The following CACNA1D variants were observed in gnomAD, a reference collection of about 807,000 sequenced individuals.
CACNA1D encodes the protein voltage-dependent L-type calcium channel subunit alpha-1D.
Under a neutral mutation model 257.1 loss-of-function variants are expected in CACNA1D, and 55 were observed. The observed-to-expected ratio is 0.21, with a 90% CI of 0.17 to 0.27. The LOEUF (loss-of-function observed/expected upper bound fraction) is 0.27, where lower values mean the gene tolerates loss of function less well. CACNA1D is among the 10% of genes least tolerant of loss of function. CACNA1D has a pLI of 1.00. For missense variants in CACNA1D, 1,876 were observed against 2,784.0 expected (o/e 0.67, Z 7.34); for synonymous variants, 980 against 1,014.9 (o/e 0.97, Z 0.65).
chr3:53,724,478 G>A (rs1025319201), intron 14 of CACNA1D, among the ~76,000 whole-genome samples: 1 of 152,184 alleles, frequency 6.6e-6, no homozygotes, highest in Non-Finnish European at 1.5e-5. Flanking sequence ...GGTCCCTTCT[G>A]TCCTCCTCCT....
chr3:53,710,532 C>G (rs764320928), intron 9 of CACNA1D: 4 of 455,456 alleles, frequency 8.8e-6, no homozygotes, highest in African/African-American at 2.0e-5. Context: ...ATACCTTTTC[C>G]TTGCACATAG....
At chr3:53,721,135 T>C (rs937558634) in intron 11 of CACNA1D, among the ~76,000 whole-genome samples, 1 of 152,282 alleles carries the variant, frequency 6.6e-6, no homozygotes, top group South Asian at 2.1e-4. Flanking sequence ...TTAGTGTCCT[T>C]AGTAGAGTTT....
In CACNA1D at chr3:53,811,026, T is replaced by C; in HGVS notation, c.6193-87T>C. On this transcript the variant is annotated intron_variant, in intron 47 of 47. Transcript: ENST00000350061. This position sits in a 1 kb window ranked among gnomAD's most constrained non-coding sequence, Gnocchi z 4.2. ...CCCAAAGCACACGGTGCAGTTAAGTTAGCACTGGAGTTGATTTTTCTGTCG... is the reference window on the plus strand; with the variant it reads ...CCCAAAGCACACGGTGCAGTTAAGTCAGCACTGGAGTTGATTTTTCTGTCG... 1 of 988,850 alleles carries C rather than the reference T, an allele frequency of 1.0e-6. No homozygotes were observed. Among genetic ancestry groups the C allele is most frequent in the South Asian group, 1.3e-5 (1 of 77,814 alleles). 61.3% of individuals were successfully genotyped at this position (988,850 alleles called of 1,614,324 possible). A position where few individuals can be genotyped will look rare whatever the true frequency, so the allele number is the denominator to read the frequency against.
chr3:53,628,065 C>G (rs2093780178), intron 3 of CACNA1D, among the ~76,000 whole-genome samples: 1 of 152,076 alleles, frequency 6.6e-6, no homozygotes, highest in Non-Finnish European at 1.5e-5. Flanking sequence ...GTATTCAGTT[C>G]TTGTTTTCAG....
chr3:53,718,577 C>T (rs1218835364), intron 10 of CACNA1D, 189 bp downstream of exon 10: 2 of 666,576 alleles, frequency 3.0e-6, no homozygotes, highest in East Asian at 2.8e-5. Flanking sequence ...ACCTCCCCAC[C>T]CCCCGCCCCC....
chr3:53,654,393 G>A lies in CACNA1D; in HGVS notation c.623+3475G>A, dbSNP rs557971473. ...TGTCTATAGCTTCTATAGAAATAAA[G>A]TACATGACAATGGTAGCATGAAGAA... is the stretch of plus-strand genomic sequence containing the variant. On this transcript the variant is annotated intron_variant, in intron 4 of 47. Coordinates refer to ENST00000350061, the MANE Select transcript of CACNA1D (RefSeq NM_001128840.3). 1.3e-4 allele frequency among the ~76,000 whole-genome samples: 20 copies of A among 152,272 alleles called. 1 individual carries two copies. In the South Asian group the frequency reaches 4.1e-3, roughly 32 times the overall value.
chr3:53,514,991 G>T (rs560873043), intron 3 of CACNA1D, among the ~76,000 whole-genome samples: 48 of 152,296 alleles, frequency 3.2e-4, no homozygotes, highest in African/African-American at 1.1e-3. Flanking sequence ...GGCCATAGGA[G>T]GGCCTAGACC....
intron 8 of CACNA1D, among the ~76,000 whole-genome samples, chr3:53,690,351 T>A (rs2094508059): frequency 6.6e-6 from 1 of 152,212 alleles, no homozygotes; most frequent in African/African-American, 2.4e-5. Context: ...CAATGCTGAG[T>A]GGAACAATGG....
intron 4 of CACNA1D, among the ~76,000 whole-genome samples, chr3:53,656,862 T>C (rs142730865): frequency 6.6e-6 from 1 of 152,310 alleles, no homozygotes; most frequent in East Asian, 1.9e-4. Flanking sequence ...GTGACAGTAC[T>C]GCATACCCAC....
At chr3:53,506,593 C>T (rs1370290905) in intron 3 of CACNA1D, among the ~76,000 whole-genome samples, 1 of 152,142 alleles carries the variant, frequency 6.6e-6, no homozygotes, top group African/African-American at 2.4e-5. Flanking sequence ...AATGAATGAC[C>T]ATACAAGGAC....
At chr3:53,589,824 A>G (rs2093276470) in intron 3 of CACNA1D, among the ~76,000 whole-genome samples, 1 of 151,950 alleles carries the variant, frequency 6.6e-6, no homozygotes, top group Non-Finnish European at 1.5e-5. Flanking sequence ...CCAGCCTCTC[A>G]TTTCAAGGGC....
At chr3:53,538,288 C>T (rs1241385269) in intron 3 of CACNA1D, among the ~76,000 whole-genome samples, 2 of 151,824 alleles carry the variant, frequency 1.3e-5, no homozygotes, top group Admixed American at 6.6e-5. Flanking sequence ...CCTGGGACTA[C>T]AGGCGCACGC....
intron 30 of CACNA1D, among the ~76,000 whole-genome samples, chr3:53,764,052 C>T (rs2095318665): frequency 1.3e-5 from 2 of 152,142 alleles, no homozygotes; most frequent in South Asian, 4.1e-4. Flanking sequence ...TGATTTAAGC[C>T]TCGTCATGCC....
At chr3:53,652,932 A>G (rs1265445888) in intron 4 of CACNA1D, among the ~76,000 whole-genome samples, 1 of 152,244 alleles carries the variant, frequency 6.6e-6, no homozygotes, top group Non-Finnish European at 1.5e-5. Flanking sequence ...ATCCTTGCTT[A>G]CAATGTTTGA....
intron 40 of CACNA1D, chr3:53,791,520 C>G (rs900014206): frequency 6.4e-6 from 1 of 155,364 alleles, no homozygotes. Context: ...GACTGACAGG[C>G]CCCTCGGCGC....
At chr3:53,638,686 G>T (rs2093914279) in intron 3 of CACNA1D, among the ~76,000 whole-genome samples, 1 of 152,210 alleles carries the variant, frequency 6.6e-6, no homozygotes, top group African/African-American at 2.4e-5. Flanking sequence ...ACTTGCCCAA[G>T]TCTGCATAGC....
Position 53,800,950 on chromosome 3 carries a change from C to T in CACNA1D, c.5041-108C>T, listed in dbSNP as rs910661054. 29 of 1,060,318 alleles carry T rather than the reference C, an allele frequency of 2.7e-5. No homozygotes were observed. The highest frequency in any genetic ancestry group is 2.8e-4 in the Middle Eastern group (1 of 3,536). The allele number at this position is 1,060,318 out of a possible 1,614,324, so 65.7% of individuals were successfully genotyped here. A position where few individuals can be genotyped will look rare whatever the true frequency, so the allele number is the denominator to read the frequency against. ...CTCAGATTGTTTTACAGGGATCCTA[C>T]GGAGCTTGCCTAGAATTTGTTTTTC... On this transcript the variant is annotated intron_variant, in intron 41 of 47. Coordinates refer to ENST00000350061, the MANE Select transcript of CACNA1D (RefSeq NM_001128840.3). The surrounding 1 kb of genome is among the most constrained non-coding windows in gnomAD (Gnocchi z 4.3).
intron 46 of CACNA1D, chr3:53,809,514 C>T (rs75065476): frequency 0.018 from 4,299 of 239,132 alleles, 48 homozygotes; most frequent in Non-Finnish European, 0.025. Flanking sequence ...GGGGCTTGTA[C>T]CCAGTGCTTT....
chr3:53,748,694 A>G (rs2095195504), intron 26 of CACNA1D, among the ~76,000 whole-genome samples: 1 of 152,062 alleles, frequency 6.6e-6, no homozygotes, highest in Non-Finnish European at 1.5e-5. Flanking sequence ...GATGGATGTG[A>G]GGATTAAGGG....
Sources: allele counts gnomAD v4.1 joint callset (sites outside exome capture counted in the v4.1 genomes callset), GRCh38; gene constraint gnomAD v4.1.1; non-coding constraint Gnocchi (gnomAD v3.1); transcripts MANE v1.5; gene names NCBI Gene and HGNC (gene_info 2026-07-23, HGNC 2026-07-21).